The following CSGALNACT1 variants were observed in gnomAD, a reference collection of about 807,000 sequenced individuals.
The protein encoded by CSGALNACT1 is chondroitin sulfate N-acetylgalactosaminyltransferase 1.
CSGALNACT1 carries 52 observed loss-of-function variants against 51.0 expected under a neutral mutation model. That is an observed-to-expected ratio of 1.02 (90% CI 0.82 to 1.29). CSGALNACT1 has a LOEUF of 1.29. Among genes scored for constraint, CSGALNACT1 ranks in the 50% most tolerant of loss-of-function variants. The probability of loss-of-function intolerance (pLI) is 0.00; values close to 1 mark genes in which losing one functional copy is unlikely to be tolerated. For missense variants in CSGALNACT1, 935 were observed against 679.2 expected (o/e 1.38, Z -4.19); for synonymous variants, 341 against 254.4 (o/e 1.34, Z -3.24).
intron 1 of CSGALNACT1, among the ~76,000 whole-genome samples, chr8:19,612,914 T>C (rs1032974230): frequency 3.3e-5 from 4 of 121,190 alleles, no homozygotes; most frequent in African/African-American, 1.3e-4. Context: ...AACCTTCTCC[T>C]TTATCACAAA....
intron 3 of CSGALNACT1, among the ~76,000 whole-genome samples, chr8:19,532,427 A>T (rs1054702550): frequency 1.3e-5 from 2 of 152,116 alleles, no homozygotes; most frequent in Non-Finnish European, 1.5e-5. Context: ...AAAGCCTTTT[A>T]TGTCTGTCTT....
chr8:19,660,336 C>T (rs1741552792), intron 1 of CSGALNACT1, among the ~76,000 whole-genome samples: 1 of 152,192 alleles, frequency 6.6e-6, no homozygotes, highest in Non-Finnish European at 1.5e-5. Flanking sequence ...AACTGCACAA[C>T]CTCAAGCAAA....
intron 1 of CSGALNACT1, among the ~76,000 whole-genome samples, chr8:19,700,479 A>G (rs1365007016): frequency 6.6e-6 from 1 of 152,160 alleles, no homozygotes; most frequent in Non-Finnish European, 1.5e-5. Context: ...TTGACAAAGT[A>G]GTTATGGGTG....
At chr8:19,649,818 G>GAAAAAAAAAAAA (rs1564347327) in intron 1 of CSGALNACT1, among the ~76,000 whole-genome samples, 9 of 1,558 alleles carry the variant, frequency 5.8e-3, no homozygotes, top group African/African-American at 0.013. Flanking sequence ...ATTCCAAGTA[G>GAAAAAAAAAAAA]CAAAAAAAAA....
intron 3 of CSGALNACT1, among the ~76,000 whole-genome samples, chr8:19,571,574 A>G (rs2043049090): frequency 1.3e-5 from 2 of 152,204 alleles, no homozygotes; most frequent in Admixed American, 1.3e-4. Flanking sequence ...AAGGATCTAC[A>G]CATATTTTAA....
At position 19,420,513 on chromosome 8, in the gene CSGALNACT1, G is replaced by A; in HGVS notation, c.959C>T (p.Ala320Val). 6.2e-7 allele frequency: 1 copy of A among 1,613,846 alleles called. No individual in the cohort carries two copies. Among genetic ancestry groups the A allele is most frequent in the South Asian group, 1.1e-5 (1 of 91,060 alleles). ...GATGAAGGTAAAGTTCCTGAAGTTG[G>A]CAGCTCTGAAAGGCAAGACCAGGTA... Residue 320 changes from alanine (A) to valine (V), a missense_variant, in exon 7 of 10, where the codon GCC (alanine) becomes GTC (valine). Ala to Val is a moderately conservative substitution (Grantham distance 64). Transcript: ENST00000454498.
At chr8:19,516,322 T>C (rs1486092692) in intron 3 of CSGALNACT1, among the ~76,000 whole-genome samples, 1 of 152,126 alleles carries the variant, frequency 6.6e-6, no homozygotes, top group African/African-American at 2.4e-5. Context: ...AGAGCCCAGC[T>C]TCAAACCCAG....
intron 1 of CSGALNACT1, among the ~76,000 whole-genome samples, chr8:19,657,054 C>A: frequency 7.3e-6 from 1 of 136,530 alleles, no homozygotes. Context: ...CAGAGTAAGA[C>A]TCCATCTCAT....
chr8:19,705,678 A>G (rs989656371), intron 1 of CSGALNACT1, among the ~76,000 whole-genome samples: 1 of 152,180 alleles, frequency 6.6e-6, no homozygotes, highest in African/African-American at 2.4e-5. Flanking sequence ...GGGAGGCTGC[A>G]GTGAGCTGAG....
At chr8:19,651,385 C>T (rs1423553226) in intron 1 of CSGALNACT1, among the ~76,000 whole-genome samples, 2 of 152,068 alleles carry the variant, frequency 1.3e-5, no homozygotes, top group Admixed American at 1.3e-4. Context: ...AGGCTCGCAC[C>T]CAATAGTTTT....
intron 5 of CSGALNACT1, chr8:19,457,956 C>G (rs1042520614): frequency 5.9e-6 from 3 of 512,488 alleles, no homozygotes. Context: ...TGCATTGCAG[C>G]CACCACTAGA....
At chr8:19,694,659 G>A (rs2061497729) in intron 1 of CSGALNACT1, among the ~76,000 whole-genome samples, 1 of 152,166 alleles carries the variant, frequency 6.6e-6, no homozygotes, top group African/African-American at 2.4e-5. Flanking sequence ...AAAGGGCATG[G>A]GTTCCCTTAA....
intron 6 of CSGALNACT1, 123 bp from the exon 6 acceptor site, chr8:19,420,641 G>C (rs1390514170): frequency 3.9e-6 from 4 of 1,019,460 alleles, no homozygotes; most frequent in South Asian, 1.3e-5. Context: ...GAGGGCACTG[G>C]GACTCCCCAA....
chr8:19,677,214 T>G (rs776946322), intron 1 of CSGALNACT1, among the ~76,000 whole-genome samples: 1 of 152,108 alleles, frequency 6.6e-6, no homozygotes, highest in Non-Finnish European at 1.5e-5. Flanking sequence ...GCTCAAGTGA[T>G]CCTTCCACCT....
chr8:19,636,900 A>G (rs2056142041), intron 1 of CSGALNACT1, among the ~76,000 whole-genome samples: 1 of 152,096 alleles, frequency 6.6e-6, no homozygotes, highest in South Asian at 2.1e-4. Flanking sequence ...TTCATTAAAG[A>G]GTCTTAAGGA....
chr8:19,439,819 A>T lies in CSGALNACT1; in HGVS notation c.953+11T>A. 1 of 1,600,224 alleles carries T rather than the reference A, an allele frequency of 6.2e-7. No individual in the cohort carries two copies. Among genetic ancestry groups the T allele is most frequent in the Non-Finnish European group, 8.6e-7 (1 of 1,167,512 alleles). On this transcript the variant is annotated intron_variant, in intron 6 of 9. Coordinates refer to ENST00000454498, the Ensembl canonical transcript of CSGALNACT1. The stretch of plus-strand genomic sequence containing the variant: ...CCAGGATTCCTTATGACAGCTCCGT[A>T]TTGTACTCACTTGGAAGTGTTTTCA...
intron 1 of CSGALNACT1, among the ~76,000 whole-genome samples, chr8:19,710,896 G>C (rs2062464653): frequency 6.6e-6 from 1 of 151,908 alleles, no homozygotes; most frequent in African/African-American, 2.4e-5. Context: ...TTATTCGATT[G>C]CATCACTACC....
At chr8:19,668,125 A>T (rs73214697) in intron 1 of CSGALNACT1, among the ~76,000 whole-genome samples, 3,062 of 152,336 alleles carry the variant, frequency 0.02, 51 homozygotes, top group South Asian at 0.048. Context: ...CATCTACACA[A>T]TGAAAAATAG....
Position 19,757,737 on chromosome 8 carries a change from G to C in CSGALNACT1, c.-297+113C>G, listed in dbSNP as rs146838242. ...CCCTTGGCTGCCCTCCCCGCCGAGCGCCGACTTCCATGCAAAAACTTTGTA... is the reference window on the plus strand; with the variant it reads ...CCCTTGGCTGCCCTCCCCGCCGAGCCCCGACTTCCATGCAAAAACTTTGTA... On this transcript the variant is annotated intron_variant, in intron 1 of 1. Transcript: ENST00000517494. This position sits in a 1 kb window ranked among gnomAD's most constrained non-coding sequence, Gnocchi z 4.0. 6.5e-6 allele frequency: 1 copy of C among 152,746 alleles called. No homozygotes were observed. Among genetic ancestry groups the C allele is most frequent in the African/African-American group, 2.4e-5 (1 of 41,460 alleles). 9.5% of individuals were successfully genotyped at this position (152,746 alleles called of 1,614,324 possible). A position where few individuals can be genotyped will look rare whatever the true frequency, so the allele number is the denominator to read the frequency against.
Sources: allele counts gnomAD v4.1 joint callset (sites outside exome capture counted in the v4.1 genomes callset), GRCh38; gene constraint gnomAD v4.1.1; non-coding constraint Gnocchi (gnomAD v3.1); transcripts MANE v1.5; gene names NCBI Gene and HGNC (gene_info 2026-07-23, HGNC 2026-07-21).